Variants in ASPH observed in about 807,000 individuals in gnomAD.
ASPH encodes the protein aspartyl/asparaginyl beta-hydroxylase.
In ASPH, 100 loss-of-function variants were observed where a neutral mutation model predicts 118.4. The ratio of observed to expected loss-of-function variants is 0.84; its 90% confidence interval spans 0.72 to 1.00. The LOEUF is 1.00. ASPH is among the 50% of genes least tolerant of loss of function. The pLI is 0.00. For synonymous variants in ASPH, 315 were observed against 325.6 expected, an observed-to-expected ratio of 0.97 and a Z score of 0.35; for missense variants, 920 against 919.5, an observed-to-expected ratio of 1.00 and a Z score of -0.01.
In ASPH at chr8:61,583,926, CA is replaced by C. The variant is rs775975929; in HGVS notation, c.1062+17del. On this transcript the variant is annotated intron_variant, in intron 15 of 24. Coordinates refer to ENST00000379454, the MANE Select transcript of ASPH (RefSeq NM_004318.4). ...TTTATTTAACAACAAAACCATTGCACAAAAAATATCAACCTACCCTTTTACG... is the reference window on the plus strand; with the variant it reads ...TTTATTTAACAACAAAACCATTGCACAAAAATATCAACCTACCCTTTTACG... The C allele has an allele frequency of 1.3e-6, 2 of 1,510,860 alleles. No individual in the cohort carries two copies. Among genetic ancestry groups the C allele is most frequent in the African/African-American group, 1.4e-5 (1 of 70,290 alleles). 93.6% of individuals were successfully genotyped at this position (1,510,860 alleles called of 1,614,324 possible). A position where few individuals can be genotyped will look rare whatever the true frequency, so the allele number is the denominator to read the frequency against.
chr8:61,671,133 C>A (rs529580516), intron 3 of ASPH, among the ~76,000 whole-genome samples: 1 of 152,170 alleles, frequency 6.6e-6, no homozygotes, highest in South Asian at 2.1e-4. Flanking sequence ...TATTAGTTTG[C>A]GGGCATTAGA....
At chr8:61,678,095 G>A (rs2151567670) in intron 3 of ASPH, among the ~76,000 whole-genome samples, 1 of 152,134 alleles carries the variant, frequency 6.6e-6, no homozygotes, top group East Asian at 1.9e-4. Context: ...GCTCACTCAT[G>A]CATCTATCAG....
At chr8:61,516,744 G>A (rs1454915645) in intron 24 of ASPH, among the ~76,000 whole-genome samples, 2 of 152,172 alleles carry the variant, frequency 1.3e-5, no homozygotes, top group East Asian at 1.9e-4. Context: ...GTGAAAAGAC[G>A]GGCATTCTAG....
At chr8:61,680,048 A>G (rs932244084) in intron 3 of ASPH, among the ~76,000 whole-genome samples, 7 of 151,530 alleles carry the variant, frequency 4.6e-5, no homozygotes, top group Admixed American at 1.3e-4. Flanking sequence ...ACTTTATTTC[A>G]TAAGGAGGTG....
rs538059490 is a variant in ASPH, at chr8:61,653,363, C to A, written c.415+205G>T. Among the ~76,000 whole-genome samples the A allele has an allele frequency of 4.1e-4, 63 of 152,292 alleles. 1 individual carries two copies. The highest frequency in any genetic ancestry group is 1.4e-3 in the African/African-American group (58 of 41,550). On this transcript the variant is annotated intron_variant, in intron 4 of 24. Transcript: ENST00000379454. ...GTTTTGGACAAAGAACAACTGTCTG[C>A]CTTAGAGCTGATCTTAAAAATTAAA...
intron 14 of ASPH, among the ~76,000 whole-genome samples, chr8:61,604,791 C>T (rs565978678): frequency 2.6e-5 from 4 of 152,224 alleles, no homozygotes; most frequent in African/African-American, 9.6e-5. Context: ...TATCTTTGGA[C>T]AAGTTTAATT....
At chr8:61,591,935 G>A (rs2133027957) in intron 14 of ASPH, among the ~76,000 whole-genome samples, 1 of 152,314 alleles carries the variant, frequency 6.6e-6, no homozygotes, top group Middle Eastern at 3.4e-3. Flanking sequence ...GCTGAACTTT[G>A]TATTACTTGT....
chr8:61,624,349 T>C, intron 13 of ASPH: 7 of 985,322 alleles, frequency 7.1e-6, no homozygotes, highest in South Asian at 9.4e-5. Context: ...CCTGGCAATG[T>C]AGCATGATAG....
chr8:61,506,380 A>G (rs980535088), intron 24 of ASPH, among the ~76,000 whole-genome samples: 4 of 152,300 alleles, frequency 2.6e-5, no homozygotes, highest in Admixed American at 1.3e-4. Context: ...CAAGTTAGAA[A>G]GAGTTTTGAG....
intron 22 of ASPH, 77 bp downstream of exon 22, chr8:61,525,900 C>A (rs1420155041): frequency 1.4e-5 from 21 of 1,550,896 alleles, no homozygotes; most frequent in Non-Finnish European, 1.7e-5. Flanking sequence ...TGGGAAGCAT[C>A]ACCAGAAGAC....
intron 16 of ASPH, among the ~76,000 whole-genome samples, chr8:61,568,769 G>C (rs1832597785): frequency 6.6e-6 from 1 of 152,138 alleles, no homozygotes; most frequent in Non-Finnish European, 1.5e-5. Flanking sequence ...AGGATAACAA[G>C]GGAGGAGCAG....
intron 13 of ASPH, chr8:61,626,291 A>T (rs773524831): frequency 6.4e-7 from 1 of 1,563,220 alleles, no homozygotes; most frequent in Non-Finnish European, 8.6e-7. Flanking sequence ...CTGCAAAAAT[A>T]AGGGGAAATC....
intron 16 of ASPH, among the ~76,000 whole-genome samples, chr8:61,568,692 C>G (rs1005640402): frequency 3.3e-5 from 5 of 151,948 alleles, no homozygotes; most frequent in Non-Finnish European, 5.9e-5. Flanking sequence ...AGAGTGTAGA[C>G]AGAGAAAAGA....
chr8:61,708,759 T>C (rs555202697), intron 1 of ASPH, among the ~76,000 whole-genome samples: 2 of 152,296 alleles, frequency 1.3e-5, no homozygotes, highest in East Asian at 3.9e-4. Context: ...GATGAGTCAC[T>C]GGGTTCAACG....
At chr8:61,627,810 T>G (rs1853604863) in intron 13 of ASPH, among the ~76,000 whole-genome samples, 1 of 152,146 alleles carries the variant, frequency 6.6e-6, no homozygotes, top group South Asian at 2.1e-4. Flanking sequence ...AAATCCCACA[T>G]CTCCAAAACC....
At chr8:61,583,532 G>C (rs1259673137) in intron 15 of ASPH, 2 of 122,976 alleles carry the variant, frequency 1.6e-5, no homozygotes, top group African/African-American at 7.1e-5. Flanking sequence ...CCTGGGTGGA[G>C]GCTCTGTCCA....
chr8:61,598,906 T>G (rs1275256239), intron 14 of ASPH, among the ~76,000 whole-genome samples: 2 of 152,016 alleles, frequency 1.3e-5, no homozygotes, highest in African/African-American at 4.8e-5. Flanking sequence ...ACTGAGTCAA[T>G]GAAAAAATTA....
intron 1 of ASPH, among the ~76,000 whole-genome samples, chr8:61,695,335 G>A (rs1454730734): frequency 6.6e-6 from 1 of 152,140 alleles, no homozygotes; most frequent in Admixed American, 6.5e-5. Flanking sequence ...CATCTTCCAT[G>A]TGGCCTACAA....
intron 24 of ASPH, among the ~76,000 whole-genome samples, chr8:61,514,378 C>T (rs1004981212): frequency 1.3e-5 from 2 of 151,734 alleles, no homozygotes; most frequent in Non-Finnish European, 2.9e-5. Context: ...GTGGTGTAAT[C>T]ACAGCTCACT....
Sources: gnomAD v4.1 joint callset for allele counts (sites outside exome capture counted in the v4.1 genomes callset) on GRCh38, gnomAD v4.1.1 for gene constraint, MANE v1.5 for transcripts, NCBI Gene and HGNC (gene_info 2026-07-23, HGNC 2026-07-21) for gene names.